Variants in TRPM1 observed in about 807,000 individuals in gnomAD.
TRPM1 encodes TRPM1-203 APA Isoform, Intron 10.
TRPM1 carries 113 observed loss-of-function variants against 149.4 expected under a neutral mutation model. That is an observed-to-expected ratio of 0.76 (90% CI 0.65 to 0.88). TRPM1 has a LOEUF of 0.88. Ranked by LOEUF, TRPM1 falls within the 40% of genes least tolerant of loss-of-function variation. The pLI is 0.00. For missense variants in TRPM1, 1,976 were observed against 2,038.7 expected (o/e 0.97, Z 0.59); for synonymous variants, 741 against 759.5 (o/e 0.98, Z 0.40).
intron 1 of TRPM1, among the ~76,000 whole-genome samples, chr15:31,109,582 C>T (rs912579204): frequency 3.3e-5 from 5 of 150,674 alleles, no homozygotes; most frequent in Non-Finnish European, 7.4e-5. Context: ...TGCCTGTAAT[C>T]CCAGCTATTA....
At chr15:31,110,583 C>T (rs982759220) in intron 1 of TRPM1, among the ~76,000 whole-genome samples, 1 of 152,156 alleles carries the variant, frequency 6.6e-6, no homozygotes, top group Non-Finnish European at 1.5e-5. Flanking sequence ...ATATGCTGGC[C>T]GTTCTCCGTA....
intron 1 of TRPM1, among the ~76,000 whole-genome samples, chr15:31,146,577 A>C (rs957780821): frequency 6.6e-6 from 1 of 152,226 alleles, no homozygotes; most frequent in Non-Finnish European, 1.5e-5. Flanking sequence ...TCAGCATGAT[A>C]ATGAAGTTCC....
At chr15:31,085,408 C>T (rs997595232) in intron 1 of TRPM1, among the ~76,000 whole-genome samples, 14 of 152,136 alleles carry the variant, frequency 9.2e-5, no homozygotes, top group African/African-American at 3.1e-4. Flanking sequence ...TAATGCTAAC[C>T]GTTGTAATTA....
intron 1 of TRPM1, among the ~76,000 whole-genome samples, chr15:31,088,627 A>G (rs1413048602): frequency 6.6e-6 from 1 of 152,194 alleles, no homozygotes; most frequent in African/African-American, 2.4e-5. Context: ...GAAACATCTG[A>G]AGGAACAAAC....
chr15:31,060,479 C>T, intron 11 of TRPM1, 65 bp downstream of exon 11: 1 of 1,339,286 alleles, frequency 7.5e-7, no homozygotes, highest in African/African-American at 1.4e-5. Flanking sequence ...CAAGGGAGAA[C>T]ATACTAATAG....
intron 1 of TRPM1, among the ~76,000 whole-genome samples, chr15:31,125,625 G>A (rs2035938343): frequency 6.9e-6 from 1 of 145,354 alleles, no homozygotes; most frequent in African/African-American, 2.5e-5. Flanking sequence ...AGCTACTTGG[G>A]AGGCTGAGGC....
chr15:31,053,941 T>G (rs2034015655), intron 11 of TRPM1, among the ~76,000 whole-genome samples: 1 of 152,180 alleles, frequency 6.6e-6, no homozygotes, highest in African/African-American at 2.4e-5. Flanking sequence ...ACAACACGGA[T>G]GAACCTTGAG....
At chr15:31,068,732 G>A (rs1485051269) in intron 4 of TRPM1, among the ~76,000 whole-genome samples, 4 of 92,186 alleles carry the variant, frequency 4.3e-5, no homozygotes, top group Admixed American at 1.7e-4. Flanking sequence ...CAACAAGATC[G>A]AAACTCCAAC....
At chr15:31,072,010 T>TAGAGAGAGAGAG (rs1390003241) in intron 3 of TRPM1, among the ~76,000 whole-genome samples, 1 of 30,062 alleles carries the variant, frequency 3.3e-5, no homozygotes, top group Non-Finnish European at 7.0e-5. Flanking sequence ...TATATATATA[T>TAGAGAGAGAGAG]ATATATATAG....
chr15:31,161,040 T>A, exon 1 of TRPM1: 3 of 1,379,184 alleles, frequency 2.2e-6, no homozygotes, highest in Non-Finnish European at 3.0e-6. Flanking sequence ...CCTCCCTGGG[T>A]GGGCAGGAGC....
At chr15:31,044,991 T>A (rs188227098) in intron 16 of TRPM1, among the ~76,000 whole-genome samples, 29 of 152,282 alleles carry the variant, frequency 1.9e-4, no homozygotes, top group Non-Finnish European at 3.5e-4. Context: ...TAATGGCTAT[T>A]ATGAAGTAGT....
In TRPM1 at chr15:31,032,767, G is replaced by C; in HGVS notation, c.2874C>G (p.Ile958Met). 1 of 1,614,192 alleles carries C rather than the reference G, an allele frequency of 6.2e-7. No individual in the cohort carries two copies. Among genetic ancestry groups the C allele is most frequent in the Non-Finnish European group, 8.5e-7 (1 of 1,180,044 alleles). The change falls in exon 22 of 28, where the codon ATC becomes ATG. Residue 958 changes from isoleucine to methionine, a missense_variant. Physicochemically the swap from Ile to Met is conservative, Grantham distance 10. This residue lies in a region of TRPM1 where 1,332 missense variants were observed against 1,347.1 expected (regional missense o/e 0.99). Coordinates refer to ENST00000256552, the MANE Select transcript of TRPM1 (RefSeq NM_001252024.2). ...TGTCCAGGACACGGATGTACCAGAA[G>C]ATGATATCCACACAGTAGATCACCC... Reference protein sequence around the residue: ...YGRVIYCVDIIFWYIRVLDIF... With the variant: ...YGRVIYCVDIMFWYIRVLDIF...
At chr15:31,078,579 G>A (rs1445844481) in intron 2 of TRPM1, among the ~76,000 whole-genome samples, 1 of 152,238 alleles carries the variant, frequency 6.6e-6, no homozygotes, top group African/African-American at 2.4e-5. Context: ...AGAGGTTGGT[G>A]CTTTTGTGCT....
intron 1 of TRPM1, among the ~76,000 whole-genome samples, chr15:31,158,136 G>T (rs1194118969): frequency 6.6e-6 from 1 of 152,134 alleles, no homozygotes; most frequent in South Asian, 2.1e-4. Context: ...CTTCTTAAGT[G>T]AGGGCTTTTA....
chr15:31,067,895 G>C lies in TRPM1; in HGVS notation c.477C>G (p.Thr159=), dbSNP rs186217193. 1.2e-6 allele frequency: 2 copies of C among 1,613,180 alleles called. No homozygotes were observed. Among genetic ancestry groups the C allele is most frequent in the Non-Finnish European group, 1.7e-6 (2 of 1,179,928 alleles). The stretch of plus-strand genomic sequence containing the variant: ...TGCTCTTACCTGTGCTGACACCCCC[G>C]GTGAAGATCCAGGCCCCGGTGGTCA... ...AAMTTGAWIF[T]GGVSTGVISH... Residue 159 remains threonine (T), a synonymous_variant, in exon 5 of 28, where the codon ACC becomes ACG. Coordinates refer to ENST00000256552, the MANE Select transcript of TRPM1 (RefSeq NM_001252024.2).
rs1224199985 is a variant in TRPM1 at position 31,071,977 on chromosome 15, AAACATATATAT to A, written c.84-1762_84-1752del. Among the ~76,000 whole-genome samples, 3 of 63,908 alleles carry A rather than the reference AAACATATATAT, an allele frequency of 4.7e-5. 1 individual carries two copies. The highest frequency in any genetic ancestry group is 1.3e-4 in the African/African-American group (2 of 15,810). The allele number at this position is 63,908 out of a possible 152,430, so 41.9% of individuals were successfully genotyped here. A position where few individuals can be genotyped will look rare whatever the true frequency, so the allele number is the denominator to read the frequency against. Reference sequence around the variant, plus strand: ...AGACTCCGTCTCAAAAAAAAAAAAAAAACATATATATATATATATATATATATATATATATA... The same window carrying A: ...AGACTCCGTCTCAAAAAAAAAAAAAAATATATATATATATATATATATATA... On this transcript the variant is annotated intron_variant, in intron 3 of 27. Transcript: ENST00000256552.
At chr15:31,079,171 A>G (rs1428276021) in intron 2 of TRPM1, among the ~76,000 whole-genome samples, 2 of 152,250 alleles carry the variant, frequency 1.3e-5, no homozygotes, top group Non-Finnish European at 2.9e-5. Flanking sequence ...ATACATATAC[A>G]CATATATAGA....
chr15:31,042,725 C>G (rs2033659986), intron 16 of TRPM1, among the ~76,000 whole-genome samples: 1 of 152,138 alleles, frequency 6.6e-6, no homozygotes, highest in Non-Finnish European at 1.5e-5. Flanking sequence ...TTAGGTTTCC[C>G]TCCAGTGTTT....
At position 31,125,342 on chromosome 15, in the gene TRPM1, AG is replaced by A. The variant is rs2035933718; in HGVS notation, c.54+35563del. Among the ~76,000 whole-genome samples, 2 of 152,152 alleles carry A rather than the reference AG, an allele frequency of 1.3e-5. 1 individual carries two copies. Among genetic ancestry groups the A allele is most frequent in the Non-Finnish European group, 2.9e-5 (2 of 68,026 alleles). On this transcript the variant is annotated intron_variant, in intron 1 of 26. Coordinates refer to the TRPM1 transcript ENST00000542188. ...GATGTTGCTAACTGGGACAGCTGTGAGGGGGAGACAGGAAGTACATGGGAGC... is the reference window on the plus strand; with the variant it reads ...GATGTTGCTAACTGGGACAGCTGTGAGGGGAGACAGGAAGTACATGGGAGC...
Sources: gnomAD v4.1 joint callset for allele counts (sites outside exome capture counted in the v4.1 genomes callset) on GRCh38, gnomAD v4.1.1 for gene constraint, gnomAD v4.1.1 regional missense constraint, MANE v1.5 for transcripts, NCBI Gene and HGNC (gene_info 2026-07-23, HGNC 2026-07-21) for gene names.